MLLT10: variants seen among roughly 807,000 people sequenced by gnomAD.
MLLT10 encodes the protein protein AF-10.
In MLLT10, 30 loss-of-function variants were observed where a neutral mutation model predicts 129.1. That is an observed-to-expected ratio of 0.23 (90% CI 0.17 to 0.32). MLLT10 has a LOEUF of 0.32. MLLT10 is among the 10% of genes least tolerant of loss of function. The pLI is 1.00. For missense variants in MLLT10, 1,119 were observed against 1,268.3 expected, an observed-to-expected ratio of 0.88 and a Z score of 1.79; for synonymous variants, 490 against 446.4, an observed-to-expected ratio of 1.10 and a Z score of -1.23.
intron 13 of MLLT10, 97 bp downstream of exon 13, chr10:21,682,354 G>A: frequency 8.2e-7 from 1 of 1,219,332 alleles, no homozygotes; most frequent in Non-Finnish European, 1.2e-6. Context: ...CTATTGATTA[G>A]ATGAAATCCA....
intron 13 of MLLT10, among the ~76,000 whole-genome samples, chr10:21,685,180 T>G: frequency 6.6e-6 from 1 of 152,216 alleles, no homozygotes; most frequent in Middle Eastern, 3.2e-3. Flanking sequence ...AAAAAAGCTT[T>G]CATTAGACAG....
intron 10 of MLLT10, 22 bp from the exon 11 acceptor site, chr10:21,673,318 CTTTTTTTTTT>C (rs397719980): frequency 2.3e-5 from 7 of 307,646 alleles, no homozygotes; most frequent in Admixed American, 6.2e-5. Flanking sequence ...CACCCCCCAA[CTTTTTTTTTT>C]TTTTTTTTTT....
intron 4 of MLLT10, among the ~76,000 whole-genome samples, chr10:21,594,385 A>G (rs2042813680): frequency 6.6e-6 from 1 of 151,826 alleles, no homozygotes; most frequent in Non-Finnish European, 1.5e-5. Flanking sequence ...CCCCACCCCT[A>G]CTAAAAATAC....
intron 3 of MLLT10, among the ~76,000 whole-genome samples, chr10:21,585,923 G>A (rs1023089244): frequency 1.3e-5 from 2 of 152,012 alleles, no homozygotes; most frequent in African/African-American, 2.4e-5. Flanking sequence ...TGCCAAGCCT[G>A]GCTAATTTTT....
At position 21,563,489 on chromosome 10, in the gene MLLT10, C is replaced by T. The variant is rs370015062; in HGVS notation, c.241-22805C>T. ...AGTGAGCTGAGATTGTGCCGCTGTA[C>T]TCCACCCTGGGCGACAGAGTGAGAC... On this transcript the variant is annotated intron_variant, in intron 3 of 22. Transcript: ENST00000307729. 2.6e-5 allele frequency among the ~76,000 whole-genome samples: 4 copies of T among 152,198 alleles called. No individual in the cohort carries two copies. The East Asian group carries it at 7.8e-4, about 29-fold the overall frequency.
At chr10:21,586,372 A>G in intron 4 of MLLT10, 24 bp downstream of exon 4, 1 of 1,536,872 alleles carries the variant, frequency 6.5e-7, no homozygotes, top group South Asian at 1.2e-5. Context: ...TTTCTTGAAA[A>G]AAATTTTATT....
chr10:21,606,427 A>G (rs1434995207), intron 5 of MLLT10, among the ~76,000 whole-genome samples: 2 of 152,242 alleles, frequency 1.3e-5, no homozygotes, highest in Non-Finnish European at 2.9e-5. Flanking sequence ...ACAGAGGATG[A>G]TTCCTCTGAT....
At chr10:21,624,605 C>T in intron 8 of MLLT10, 2 of 1,387,416 alleles carry the variant, frequency 1.4e-6, no homozygotes, top group Non-Finnish European at 1.9e-6. Flanking sequence ...CCACTGTTGC[C>T]CATAAGTATC....
intron 13 of MLLT10, among the ~76,000 whole-genome samples, chr10:21,702,274 T>C (rs2055004781): frequency 6.6e-6 from 1 of 152,164 alleles, no homozygotes. Context: ...TTCCTCTTTG[T>C]GTTGATTTTT....
At chr10:21,688,059 T>G (rs1279061506) in intron 13 of MLLT10, among the ~76,000 whole-genome samples, 1 of 152,210 alleles carries the variant, frequency 6.6e-6, no homozygotes, top group African/African-American at 2.4e-5. Context: ...TAAACACATT[T>G]GGCTGGTGAG....
chr10:21,581,189 G>A (rs947684771), intron 3 of MLLT10, among the ~76,000 whole-genome samples: 3 of 151,702 alleles, frequency 2.0e-5, no homozygotes, highest in Non-Finnish European at 2.9e-5. Context: ...GGGACTACAG[G>A]CGCCCACTAT....
intron 9 of MLLT10, among the ~76,000 whole-genome samples, chr10:21,664,391 G>T (rs2050532506): frequency 6.7e-6 from 1 of 149,422 alleles, no homozygotes; most frequent in Non-Finnish European, 1.5e-5. Context: ...TCAGCTCACT[G>T]CAGCCTCTGC....
At chr10:21,741,833 G>A in intron 22 of MLLT10, 106 bp from the exon 23 acceptor site, 2 of 1,186,392 alleles carry the variant, frequency 1.7e-6, no homozygotes, top group South Asian at 2.9e-5. Context: ...AAGAAAAAAG[G>A]GAGTAACTTT....
intron 8 of MLLT10, among the ~76,000 whole-genome samples, chr10:21,622,136 T>A (rs1298224397): frequency 6.6e-6 from 1 of 150,528 alleles, no homozygotes; most frequent in African/African-American, 2.4e-5. Flanking sequence ...TGTTTTTTCT[T>A]GTTTCTTTTG....
intron 12 of MLLT10, among the ~76,000 whole-genome samples, 190 bp from the exon 13 acceptor site, chr10:21,682,035 A>G (rs957601087): frequency 3.2e-4 from 49 of 152,234 alleles, no homozygotes; most frequent in African/African-American, 1.2e-3. Context: ...TATGTTGGCA[A>G]GTGGAATACA....
chr10:21,659,939 C>T (rs2049994117), intron 9 of MLLT10, among the ~76,000 whole-genome samples: 1 of 152,026 alleles, frequency 6.6e-6, no homozygotes, highest in Non-Finnish European at 1.5e-5. Context: ...GTATAAAAAT[C>T]CTGTTGAAAT....
Position 21,707,413 on chromosome 10 carries a change from G to A in MLLT10, c.1700-6359G>A, listed in dbSNP as rs973178086. On this transcript the variant is annotated intron_variant, in intron 13 of 22. Transcript: ENST00000307729. ...TCACCGTGTTAGCCAGGATGGTCTC[G>A]ATCTCCTGACCTCGTGATCCGCCCG... Among the ~76,000 whole-genome samples, 110 of 151,754 alleles carry A rather than the reference G, an allele frequency of 7.2e-4. 1 individual carries two copies. Among genetic ancestry groups the A allele is most frequent in the Admixed American group, 2.6e-4 (4 of 15,232 alleles).
chr10:21,665,392 G>A lies in MLLT10; in HGVS notation c.796-5057G>A, dbSNP rs551248525. On this transcript the variant is annotated intron_variant, in intron 9 of 22. Transcript: ENST00000307729. ...CAACCTCCGCCTCCTGGTTTTAAGC[G>A]ATTCTCCTGCCTCAGCCTCCTGAAT... Among the ~76,000 whole-genome samples the A allele has an allele frequency of 4.6e-5, 7 of 151,132 alleles. No homozygotes were observed. The East Asian group carries it at 9.9e-4, about 21-fold the overall frequency.
intron 13 of MLLT10, among the ~76,000 whole-genome samples, chr10:21,712,749 C>T (rs560968466): frequency 2.6e-5 from 4 of 152,320 alleles, no homozygotes; most frequent in Non-Finnish European, 5.9e-5. Context: ...ATGCCAGTAG[C>T]ACCCTCCAGG....
Sources: gnomAD v4.1 joint callset for allele counts (sites outside exome capture counted in the v4.1 genomes callset) on GRCh38, gnomAD v4.1.1 for gene constraint, MANE v1.5 for transcripts, NCBI Gene and HGNC (gene_info 2026-07-23, HGNC 2026-07-21) for gene names.